The following SYT16 variants were observed in gnomAD, a reference collection of about 807,000 sequenced individuals.
SYT16 encodes the protein synaptotagmin 16.
Under a neutral mutation model 61.4 loss-of-function variants are expected in SYT16, and 42 were observed. The ratio of observed to expected loss-of-function variants is 0.68; its 90% CI spans 0.53 to 0.89. The LOEUF (loss-of-function observed/expected upper bound fraction) is 0.89. Among genes scored for constraint, SYT16 ranks in the 40% least tolerant of loss-of-function variants. The probability of loss-of-function intolerance (pLI) is 0.00; values close to 1 mark genes in which losing one functional copy is unlikely to be tolerated. For synonymous variants in SYT16, 314 were observed against 302.3 expected (o/e 1.04, Z -0.40); for missense variants, 804 against 807.3 (o/e 1.00, Z 0.05).
At chr14:62,057,353 T>C (rs546583707) in intron 3 of SYT16, among the ~76,000 whole-genome samples, 4 of 152,310 alleles carry the variant, frequency 2.6e-5, no homozygotes, top group South Asian at 2.1e-4. Flanking sequence ...GCCCAGGTTG[T>C]AGTATCATTG....
chr14:61,921,233 T>G (rs547877075), intron 1 of SYT16, among the ~76,000 whole-genome samples: 7 of 152,318 alleles, frequency 4.6e-5, no homozygotes, highest in East Asian at 3.9e-4. Context: ...TGCTTAATTA[T>G]TGTCATAAAA....
intron 2 of SYT16, among the ~76,000 whole-genome samples, chr14:61,982,794 A>G (rs1566736927): frequency 6.6e-6 from 1 of 152,164 alleles, no homozygotes; most frequent in African/African-American, 2.4e-5. Context: ...ATTTTTTGTA[A>G]GTTTAAAGCT....
At chr14:62,046,596 T>G (rs1005285360) in intron 3 of SYT16, among the ~76,000 whole-genome samples, 1 of 152,232 alleles carries the variant, frequency 6.6e-6, no homozygotes, top group Admixed American at 6.5e-5. Context: ...GGTCTAACAT[T>G]TAAGTCTTTA....
chr14:62,002,416 G>T (rs2053054829), intron 3 of SYT16, among the ~76,000 whole-genome samples: 2 of 150,660 alleles, frequency 1.3e-5, no homozygotes, highest in African/African-American at 4.9e-5. Flanking sequence ...TTTTGCCTAT[G>T]CATCAGAGAG....
chr14:61,961,160 A>G (rs897060720), intron 1 of SYT16, among the ~76,000 whole-genome samples: 2 of 152,186 alleles, frequency 1.3e-5, no homozygotes, highest in Admixed American at 6.6e-5. Flanking sequence ...TAAAACTATA[A>G]AAACCCTGGA....
At position 62,085,145 on chromosome 14, in the gene SYT16, C is replaced by A. The variant is rs2140985359; in HGVS notation, c.1624+760C>A. Among the ~76,000 whole-genome samples the A allele has an allele frequency of 2.0e-5, 3 of 152,322 alleles. No homozygotes were observed. The South Asian group carries it at 6.2e-4, about 32-fold the overall frequency. ...AAGCTGCTGTTTTCAGTTGCCTCAA[C>A]AGCCTCTCACCACCTAGGAAGTTAG... On this transcript the variant is annotated intron_variant, in intron 7 of 7. Coordinates refer to ENST00000683842, the MANE Select transcript of SYT16 (RefSeq NM_001367656.1).
At chr14:61,939,664 T>C (rs1257399258) in intron 1 of SYT16, among the ~76,000 whole-genome samples, 1 of 152,190 alleles carries the variant, frequency 6.6e-6, no homozygotes. Flanking sequence ...TTATCTTCTC[T>C]CTAAAGACCT....
intron 5 of SYT16, among the ~76,000 whole-genome samples, chr14:62,078,117 C>CTCTT (rs2056564248): frequency 6.6e-6 from 1 of 150,840 alleles, no homozygotes; most frequent in African/African-American, 2.5e-5. Flanking sequence ...CTCTCTCTCT[C>CTCTT]TCTCTCTCTA....
At chr14:61,927,089 T>C (rs770216162) in intron 1 of SYT16, among the ~76,000 whole-genome samples, 1 of 152,244 alleles carries the variant, frequency 6.6e-6, no homozygotes, top group Non-Finnish European at 1.5e-5. Context: ...CTTCACTTTT[T>C]TAGTGTTCAC....
intron 3 of SYT16, among the ~76,000 whole-genome samples, chr14:62,004,395 C>T (rs2053142765): frequency 1.3e-5 from 2 of 152,066 alleles, no homozygotes; most frequent in African/African-American, 4.8e-5. Flanking sequence ...CCTTGTCCCT[C>T]CCTCCACACA....
chr14:62,089,901 A>G (rs2057013274), intron 7 of SYT16, among the ~76,000 whole-genome samples: 1 of 152,254 alleles, frequency 6.6e-6, no homozygotes. Context: ...AGTAAGAGTT[A>G]GAAACATTTG....
chr14:61,933,206 A>G (rs1405026042), intron 1 of SYT16, among the ~76,000 whole-genome samples: 1 of 152,186 alleles, frequency 6.6e-6, no homozygotes, highest in Non-Finnish European at 1.5e-5. Flanking sequence ...TTAAATCACC[A>G]TGCTGCCTGT....
In SYT16 at chr14:61,875,782, T is replaced by C. The variant is rs575599607; in HGVS notation, c.-325+62972T>C. On this transcript the variant is annotated intron_variant, in intron 1 of 7. Transcript: ENST00000683842. ...CACCAGACCTGCATTGTGGGGCCTC[T>C]GTATTCCTTATGGCATCTCTATTCC... 2.6e-5 allele frequency among the ~76,000 whole-genome samples: 4 copies of C among 152,350 alleles called. No homozygotes were observed. The East Asian group carries it at 7.7e-4, about 29-fold the overall frequency.
chr14:61,876,697 A>G (rs2047508539), intron 1 of SYT16, among the ~76,000 whole-genome samples: 1 of 152,234 alleles, frequency 6.6e-6, no homozygotes, highest in South Asian at 2.1e-4. Context: ...ACCCAAAAAG[A>G]ACAGGACCAA....
At chr14:61,842,269 A>G (rs545776312) in intron 1 of SYT16, among the ~76,000 whole-genome samples, 4 of 152,326 alleles carry the variant, frequency 2.6e-5, no homozygotes, top group Non-Finnish European at 5.9e-5. Context: ...ACTAGGACTT[A>G]TGAATACTTT....
At chr14:61,905,923 A>T (rs1041439214) in intron 1 of SYT16, among the ~76,000 whole-genome samples, 1 of 151,906 alleles carries the variant, frequency 6.6e-6, no homozygotes, top group Non-Finnish European at 1.5e-5. Context: ...ACGCCCAGCT[A>T]TTTTTGTATT....
rs1400726580 is a variant in SYT16 at position 62,112,240 on chromosome 14, T to C, written c.*11533T>C. On this transcript the variant is annotated 3_prime_UTR_variant, in exon 8 of 8. Coordinates refer to ENST00000683842, the MANE Select transcript of SYT16 (RefSeq NM_001367656.1). ...TTACCTGTGACAAGGAATAAATTCA[T>C]GATTAGAAGAATTATACTGTTTTTC... 6.6e-6 allele frequency: 1 copy of C among 152,166 alleles called. No homozygotes were observed. Among genetic ancestry groups the C allele is most frequent in the African/African-American group, 2.4e-5 (1 of 41,460 alleles). 9.4% of individuals were successfully genotyped at this position (152,166 alleles called of 1,614,324 possible).
chr14:61,815,732 C>T (rs894630963), intron 1 of SYT16, among the ~76,000 whole-genome samples: 1 of 152,110 alleles, frequency 6.6e-6, no homozygotes. Context: ...TTTGAGATCC[C>T]AGTCTGTTAT....
intron 3 of SYT16, among the ~76,000 whole-genome samples, chr14:62,038,056 T>G (rs1313311776): frequency 6.6e-6 from 1 of 152,132 alleles, no homozygotes; most frequent in Non-Finnish European, 1.5e-5. Context: ...AATTCACTTT[T>G]CTTTTCCTAT....
Sources: gnomAD v4.1 joint callset for allele counts (sites outside exome capture counted in the v4.1 genomes callset) on GRCh38, gnomAD v4.1.1 for gene constraint, MANE v1.5 for transcripts, NCBI Gene and HGNC (gene_info 2026-07-23, HGNC 2026-07-21) for gene names.